Variants in COL26A1 observed in about 807,000 individuals in gnomAD.
The protein encoded by COL26A1 is collagen type XXVI alpha 1 chain.
Under a neutral mutation model 59.3 loss-of-function variants are expected in COL26A1, and 41 were observed. The observed-to-expected ratio is 0.69, with a 90% CI of 0.54 to 0.90. The LOEUF is 0.90. Among genes scored for constraint, COL26A1 ranks in the 40% least tolerant of loss-of-function variants. The probability of loss-of-function intolerance (pLI) is 0.00; values close to 1 mark genes in which losing one functional copy is unlikely to be tolerated. For missense variants in COL26A1, 612 were observed against 602.3 expected (o/e 1.02, Z -0.17); for synonymous variants, 266 against 256.0 (o/e 1.04, Z -0.37).
chr7:101,473,264 A>G (rs557380053), intron 3 of COL26A1, among the ~76,000 whole-genome samples: 1 of 151,224 alleles, frequency 6.6e-6, no homozygotes, highest in Non-Finnish European at 1.5e-5. Flanking sequence ...TATTTTTAGT[A>G]GAGACAGGGT....
At chr7:101,534,347 G>A (rs1795433187) in intron 4 of COL26A1, among the ~76,000 whole-genome samples, 1 of 152,146 alleles carries the variant, frequency 6.6e-6, no homozygotes, top group African/African-American at 2.4e-5. Context: ...ACCCCTAGAA[G>A]AGAGCAGGGC....
Position 101,557,489 on chromosome 7 carries a change from C to T in COL26A1, c.1285C>T (p.Pro429Ser), listed in dbSNP as rs1796008610. The T allele has an allele frequency of 6.2e-7, 1 of 1,613,562 alleles. No homozygotes were observed. The highest frequency in any genetic ancestry group is 8.5e-7 in the Non-Finnish European group (1 of 1,179,734). Residue 429 changes from proline to serine, a missense_variant, in exon 13 of 13, where the codon CCT (proline) becomes TCT (serine). Transcript: ENST00000313669. ...GVLAALLGPD[P>S]GQKSVDQASS... is the part of the protein sequence containing the mutation. The stretch of plus-strand genomic sequence containing the variant: ...CCTTGCTGCCCTGCTTGGGCCCGAC[C>T]CTGGACAGAAGAGCGTGGACCAGGC...
chr7:101,401,764 AGGG>A lies in COL26A1; in HGVS notation c.159-18212_159-18210del, dbSNP rs537460030. ...GAGGAGGAAGAGGAGGAAGAGGAGGAGGGAGAAGAGGAGGAGGAGGAGGAAGAC... is the reference window on the plus strand; with the variant it reads ...GAGGAGGAAGAGGAGGAAGAGGAGGAAGAAGAGGAGGAGGAGGAGGAAGAC... On this transcript the variant is annotated intron_variant, in intron 1 of 12. Transcript: ENST00000313669. 4.3e-3 allele frequency among the ~76,000 whole-genome samples: 562 copies of A among 130,562 alleles called. 3 individuals are homozygous for A. The highest frequency in any genetic ancestry group is 0.017 in the African/African-American group (516 of 30,880). The allele number at this position is 130,562 out of a possible 152,430, so 85.7% of individuals were successfully genotyped here. A position where few individuals can be genotyped will look rare whatever the true frequency, so the allele number is the denominator to read the frequency against.
chr7:101,551,238 T>TTGGGGGGGGGGGGGGGGGGGGGGGGGCC, intron 10 of COL26A1, 95 bp downstream of exon 10: 1 of 491,354 alleles, frequency 2.0e-6, no homozygotes, highest in Non-Finnish European at 4.0e-6. Context: ...GGTGGGGGGG[T>TTGGGGGGGGGGGGGGGGGGGGGGGGGCC]TCAGCCCTGG....
intron 4 of COL26A1, among the ~76,000 whole-genome samples, chr7:101,533,605 A>G (rs527533124): frequency 4.3e-4 from 66 of 152,302 alleles, no homozygotes; most frequent in Middle Eastern, 3.4e-3. Flanking sequence ...ACCCAGAGGC[A>G]GAAGGAATCC....
At chr7:101,538,950 T>G (rs116616246) in intron 4 of COL26A1, among the ~76,000 whole-genome samples, 3,042 of 152,270 alleles carry the variant, frequency 0.02, 115 homozygotes, top group African/African-American at 0.069. Flanking sequence ...AGCAGGGATC[T>G]CCACCCACCC....
At chr7:101,550,056 C>CA (rs1795828012) in intron 9 of COL26A1, among the ~76,000 whole-genome samples, 1 of 152,188 alleles carries the variant, frequency 6.6e-6, no homozygotes, top group Non-Finnish European at 1.5e-5. Flanking sequence ...GGATGAGGCA[C>CA]AGTGGGCAGG....
intron 2 of COL26A1, among the ~76,000 whole-genome samples, chr7:101,435,049 G>C (rs1483943237): frequency 6.6e-6 from 1 of 152,140 alleles, no homozygotes; most frequent in Non-Finnish European, 1.5e-5. Context: ...TCAGGGTTGG[G>C]CGTGGTGGCT....
chr7:101,511,162 A>G (rs1234306104), intron 3 of COL26A1, among the ~76,000 whole-genome samples: 2 of 151,982 alleles, frequency 1.3e-5, no homozygotes, highest in Non-Finnish European at 2.9e-5. Flanking sequence ...TCGGCCTCCC[A>G]AAGTGCTGGG....
chr7:101,557,771 G>C lies in COL26A1; in HGVS notation c.*241G>C. ...CCTACCCCCACTCCCGGCTGGAGAC[G>C]GGGTCTGGGTGGGCTGGGTGCTGGG... On this transcript the variant is annotated 3_prime_UTR_variant, in exon 13 of 13. Coordinates refer to ENST00000313669, the MANE Select transcript of COL26A1 (RefSeq NM_001278563.3). The C allele has an allele frequency of 2.2e-6, 1 of 462,016 alleles. No individual in the cohort carries two copies. The highest frequency in any genetic ancestry group is 3.8e-6 in the Non-Finnish European group (1 of 260,272). 28.6% of individuals were successfully genotyped at this position (462,016 alleles called of 1,614,324 possible). A position where few individuals can be genotyped will look rare whatever the true frequency, so the allele number is the denominator to read the frequency against.
chr7:101,366,681 C>A (rs564021170), intron 1 of COL26A1, among the ~76,000 whole-genome samples: 107 of 151,690 alleles, frequency 7.1e-4, no homozygotes, highest in African/African-American at 2.6e-3. Flanking sequence ...TTAAATTTTT[C>A]ATAGAGGTGG....
In COL26A1 at chr7:101,489,846, CTT is replaced by C. The variant is rs1563008270; in HGVS notation, c.385+42061_385+42062del. ...TCTTTCTTTCTTTCTTTCTTTCTTT[CTT>C]TCTTTCTTTCTTTCTTTCTTTCTTT... On this transcript the variant is annotated intron_variant, in intron 3 of 12. Transcript: ENST00000313669. Among the ~76,000 whole-genome samples the C allele has an allele frequency of 1.0e-3, 24 of 23,752 alleles. 2 individuals are homozygous for C. The highest frequency in any genetic ancestry group is 1.8e-3 in the South Asian group (1 of 556). 15.6% of individuals were successfully genotyped at this position (23,752 alleles called of 152,430 possible). A position where few individuals can be genotyped will look rare whatever the true frequency, so the allele number is the denominator to read the frequency against.
chr7:101,430,376 C>T (rs1394855574), intron 2 of COL26A1, among the ~76,000 whole-genome samples: 1 of 152,060 alleles, frequency 6.6e-6, no homozygotes, highest in Admixed American at 6.6e-5. Flanking sequence ...GCAATCTCTG[C>T]TTCCAGGGTT....
chr7:101,461,900 G>A (rs1489663750), intron 3 of COL26A1, among the ~76,000 whole-genome samples: 4 of 152,114 alleles, frequency 2.6e-5, no homozygotes, highest in African/African-American at 9.7e-5. Context: ...AGCCCTCACC[G>A]TTGGGGCCAT....
At chr7:101,549,126 G>C in intron 8 of COL26A1, 45 bp from the exon 9 acceptor site, 1 of 1,131,836 alleles carries the variant, frequency 8.8e-7, no homozygotes, top group Non-Finnish European at 1.3e-6. Context: ...GGCTGGGGGC[G>C]CCCCCTCTCT....
At position 101,534,062 on chromosome 7, in the gene COL26A1, C is replaced by T. The variant is rs578094239; in HGVS notation, c.447+919C>T. Among the ~76,000 whole-genome samples the T allele has an allele frequency of 3.5e-4, 53 of 152,296 alleles. 1 individual carries two copies. Among genetic ancestry groups the T allele is most frequent in the African/African-American group, 1.2e-3 (50 of 41,568 alleles). ...GCTCTGGTGTTTAGCCAGAGGGGCT[C>T]GACCTGAGGGAGGACAGGTCTGGAG... On this transcript the variant is annotated intron_variant, in intron 4 of 12. Coordinates refer to ENST00000313669, the MANE Select transcript of COL26A1 (RefSeq NM_001278563.3).
intron 3 of COL26A1, among the ~76,000 whole-genome samples, chr7:101,491,285 T>A (rs1794454805): frequency 6.6e-6 from 1 of 152,064 alleles, no homozygotes; most frequent in African/African-American, 2.4e-5. Flanking sequence ...AAATTGGCCA[T>A]GCTGGGAGTA....
intron 1 of COL26A1, among the ~76,000 whole-genome samples, chr7:101,382,228 T>C (rs190640680): frequency 7.0e-4 from 107 of 152,148 alleles, no homozygotes; most frequent in African/African-American, 2.6e-3. Flanking sequence ...TTTAAATATT[T>C]TGTAAAGAAG....
intron 6 of COL26A1, among the ~76,000 whole-genome samples, chr7:101,544,729 C>T (rs1436489729): frequency 6.6e-6 from 1 of 151,898 alleles, no homozygotes; most frequent in Non-Finnish European, 1.5e-5. Flanking sequence ...GACAGGGTTT[C>T]ACCATGTTGG....
Sources: gnomAD v4.1 joint callset for allele counts (sites outside exome capture counted in the v4.1 genomes callset) on GRCh38, gnomAD v4.1.1 for gene constraint, MANE v1.5 for transcripts, NCBI Gene and HGNC (gene_info 2026-07-23, HGNC 2026-07-21) for gene names.